MRPS6: variants seen among roughly 807,000 people sequenced by gnomAD.
MRPS6 encodes small ribosomal subunit protein bS6m.
A neutral mutation model predicts 13.1 loss-of-function variants in MRPS6; 6 were observed. The ratio of observed to expected loss-of-function variants is 0.46; its 90% CI spans 0.25 to 0.91. The LOEUF (loss-of-function observed/expected upper bound fraction) is 0.91. MRPS6 is among the 40% of genes least tolerant of loss of function. MRPS6 has a pLI of 0.18. For missense variants in MRPS6, 164 were observed against 155.6 expected, an observed-to-expected ratio of 1.05 and a Z score of -0.29; for synonymous variants, 61 against 56.5, an observed-to-expected ratio of 1.08 and a Z score of -0.36.
chr21:34,098,929 C>A (rs903882355), intron 1 of MRPS6: 5 of 988,336 alleles, frequency 5.1e-6, no homozygotes, highest in Non-Finnish European at 6.1e-6. Flanking sequence ...CATGATTTTA[C>A]TAGGCTTGTA....
At chr21:34,116,218 A>ATG (rs1979900763) in intron 1 of MRPS6, among the ~76,000 whole-genome samples, 1 of 89,950 alleles carries the variant, frequency 1.1e-5, no homozygotes. Flanking sequence ...GTGTGTGTGT[A>ATG]TGTGTGTTTT....
rs757522029 is a variant in MRPS6, at chr21:34,073,708, G to C, written c.8G>C (p.Arg3Pro). 1.2e-5 allele frequency: 19 copies of C among 1,525,334 alleles called. No individual in the cohort carries two copies. The highest frequency in any genetic ancestry group is 1.6e-5 in the Non-Finnish European group (18 of 1,129,674). 94.5% of individuals were successfully genotyped at this position (1,525,334 alleles called of 1,614,324 possible). MP[R>P]YELALILKAM... ...CTCGCCGATCCTCCAGGCATGCCCC[G>C]CTACGAGCTGGCTTTAATCCTGAAA... Residue 3 changes from arginine to proline, a missense_variant, in exon 1 of 3, where the codon CGC becomes CCC. Physicochemically the swap from Arg to Pro is moderately radical, Grantham distance 103. Transcript: ENST00000399312.
intron 1 of MRPS6, chr21:34,122,945 C>G (rs1980171370): frequency 6.6e-6 from 1 of 152,110 alleles, no homozygotes; most frequent in African/African-American, 2.4e-5. Flanking sequence ...TTAGAACTGT[C>G]TAGGAATGTG....
At chr21:34,087,973 G>T (rs1978482337) in intron 1 of MRPS6, among the ~76,000 whole-genome samples, 1 of 152,226 alleles carries the variant, frequency 6.6e-6, no homozygotes, top group Non-Finnish European at 1.5e-5. Context: ...CAATAGTGAG[G>T]ATGAAGTTGC....
chr21:34,105,188 C>T, intron 1 of MRPS6: 1 of 1,000,186 alleles, frequency 1.0e-6, no homozygotes, highest in Non-Finnish European at 1.2e-6. Context: ...TATAGATTGC[C>T]AGCAGAGTTC....
At chr21:34,113,709 C>T (rs1979795919) in intron 1 of MRPS6, among the ~76,000 whole-genome samples, 1 of 152,092 alleles carries the variant, frequency 6.6e-6, no homozygotes, top group Non-Finnish European at 1.5e-5. Context: ...ACTTTTTTGT[C>T]AAAGTCCATG....
rs759657838 is a variant in MRPS6, at chr21:34,096,715, T to G, written c.45+22970T>G. ...CAACCTGATAATAGGCCGGGCTTCATCAAAGACATCCATTATATGTATGTG... is the reference window on the plus strand; with the variant it reads ...CAACCTGATAATAGGCCGGGCTTCAGCAAAGACATCCATTATATGTATGTG... On this transcript the variant is annotated intron_variant, in intron 1 of 2. Coordinates refer to ENST00000399312, the MANE Select transcript of MRPS6 (RefSeq NM_032476.4). This position sits in a 1 kb window ranked among gnomAD's most constrained non-coding sequence, Gnocchi z 5.9. 1 of 1,614,102 alleles carries G rather than the reference T, an allele frequency of 6.2e-7. No homozygotes were observed. The highest frequency in any genetic ancestry group is 1.7e-5 in the Admixed American group (1 of 60,004).
chr21:34,116,726 A>G (rs918621435), intron 1 of MRPS6, among the ~76,000 whole-genome samples: 1 of 152,094 alleles, frequency 6.6e-6, no homozygotes, highest in Admixed American at 6.6e-5. Flanking sequence ...GCTTGGTTTT[A>G]TTCAGTGCCG....
At chr21:34,104,396 T>C (rs1218361475) in intron 1 of MRPS6, 1 of 1,000,200 alleles carries the variant, frequency 1.0e-6, no homozygotes, top group Non-Finnish European at 1.2e-6. Context: ...GTAGCTTGTT[T>C]ATCAAGAATG....
intron 1 of MRPS6, among the ~76,000 whole-genome samples, chr21:34,077,615 AGAT>A (rs1989364594): frequency 6.6e-6 from 1 of 152,168 alleles, no homozygotes; most frequent in South Asian, 2.1e-4. Context: ...GGAATAAAGA[AGAT>A]AGCTATTTTG....
intron 1 of MRPS6, chr21:34,098,463 A>T: frequency 2.1e-6 from 2 of 965,368 alleles, no homozygotes; most frequent in Non-Finnish European, 2.5e-6. Flanking sequence ...TTTTTCCCTG[A>T]TTTTTTTTTT....
intron 1 of MRPS6, among the ~76,000 whole-genome samples, chr21:34,116,664 C>G (rs1159030825): frequency 6.6e-6 from 1 of 152,052 alleles, no homozygotes; most frequent in Admixed American, 6.6e-5. Flanking sequence ...GTAAGAGCAG[C>G]TAGTTGACTG....
intron 1 of MRPS6, chr21:34,104,138 A>T: frequency 2.0e-6 from 2 of 999,874 alleles, no homozygotes; most frequent in Non-Finnish European, 1.2e-6. Flanking sequence ...TTTTTCCTAT[A>T]CTTGACTGTG....
At chr21:34,116,289 C>G (rs1478649434) in intron 1 of MRPS6, among the ~76,000 whole-genome samples, 2 of 147,144 alleles carry the variant, frequency 1.4e-5, no homozygotes, top group Non-Finnish European at 3.0e-5. Flanking sequence ...CTCAAGCGAT[C>G]TGCCTGCTTC....
intron 1 of MRPS6, chr21:34,122,739 C>T (rs1162424454): frequency 6.6e-6 from 1 of 151,246 alleles, no homozygotes; most frequent in Non-Finnish European, 1.5e-5. Context: ...GAGTGCAAAG[C>T]TGAGACCCGA....
At chr21:34,095,374 A>G in intron 1 of MRPS6, 6 of 1,614,076 alleles carry the variant, frequency 3.7e-6, no homozygotes, top group Non-Finnish European at 5.1e-6. Context: ...TTTGTGAGCA[A>G]TATTGGGAGT....
Position 34,096,065 on chromosome 21 carries a change from C to T in MRPS6, c.45+22320C>T, listed in dbSNP as rs1195372548. ...TCATCGTGCAGAGGGTCCTTGCAGC[C>T]AAAAACATTGCTCATGCCAAAGGCT... On this transcript the variant is annotated intron_variant, in intron 1 of 2. Coordinates refer to ENST00000399312, the MANE Select transcript of MRPS6 (RefSeq NM_032476.4). The surrounding 1 kb of genome is among the most constrained non-coding windows in gnomAD (Gnocchi z 5.9). 4 of 1,613,948 alleles carry T rather than the reference C, an allele frequency of 2.5e-6. No homozygotes were observed. Among genetic ancestry groups the T allele is most frequent in the East Asian group, 2.2e-5 (1 of 44,880 alleles).
chr21:34,111,174 T>C (rs1979684085), intron 1 of MRPS6, among the ~76,000 whole-genome samples: 1 of 152,216 alleles, frequency 6.6e-6, no homozygotes, highest in South Asian at 2.1e-4. Flanking sequence ...ACTGCAGTAT[T>C]GTTGGGGGTA....
At chr21:34,082,046 G>A (rs1419540973) in intron 1 of MRPS6, among the ~76,000 whole-genome samples, 2 of 145,656 alleles carry the variant, frequency 1.4e-5, no homozygotes, top group African/African-American at 2.8e-5. Context: ...AGATTTTATA[G>A]GAAATCTGGT....
Sources: allele counts gnomAD v4.1 joint callset (sites outside exome capture counted in the v4.1 genomes callset), GRCh38; gene constraint gnomAD v4.1.1; non-coding constraint Gnocchi (gnomAD v3.1); transcripts MANE v1.5; gene names NCBI Gene and HGNC (gene_info 2026-07-23, HGNC 2026-07-21).